The following COP1 variants were observed in gnomAD, a reference collection of about 807,000 sequenced individuals.
COP1 encodes E3 ubiquitin-protein ligase COP1.
COP1 carries 24 observed loss-of-function variants against 101.3 expected under a neutral mutation model. The ratio of observed to expected loss-of-function variants is 0.24; its 90% CI spans 0.17 to 0.33. The LOEUF (loss-of-function observed/expected upper bound fraction) is 0.33. COP1 is among the 10% of genes least tolerant of loss of function. The pLI, the probability that COP1 is intolerant of heterozygous loss-of-function variation, is 1.00. For synonymous variants in COP1, 347 were observed against 341.9 expected (o/e 1.01, Z -0.17); for missense variants, 663 against 906.2 (o/e 0.73, Z 3.45).
chr1:176,165,192 A>G (rs1020014429), intron 3 of COP1, among the ~76,000 whole-genome samples: 4 of 152,220 alleles, frequency 2.6e-5, no homozygotes, highest in Non-Finnish European at 4.4e-5. Flanking sequence ...CAGTACTATC[A>G]TTAAAATAGA....
intron 18 of COP1, among the ~76,000 whole-genome samples, chr1:175,978,250 A>C (rs989925330): frequency 1.2e-4 from 19 of 152,176 alleles, no homozygotes; most frequent in Non-Finnish European, 2.5e-4. Context: ...GAGGAAGAAA[A>C]GTTAAGAATC....
At chr1:175,963,443 G>A (rs767956468) in intron 18 of COP1, among the ~76,000 whole-genome samples, 2 of 152,094 alleles carry the variant, frequency 1.3e-5, no homozygotes, top group Non-Finnish European at 2.9e-5. Flanking sequence ...CAGAAAGGGT[G>A]TACGTTTTAC....
intron 18 of COP1, among the ~76,000 whole-genome samples, chr1:175,958,544 T>C (rs1338241651): frequency 6.6e-6 from 1 of 152,014 alleles, no homozygotes; most frequent in Non-Finnish European, 1.5e-5. Flanking sequence ...ATTTCCACCC[T>C]ACATTTCTCC....
chr1:176,003,766 G>C (rs1331692588), intron 15 of COP1, among the ~76,000 whole-genome samples: 10 of 151,106 alleles, frequency 6.6e-5, no homozygotes, highest in Non-Finnish European at 1.5e-4. Flanking sequence ...TTGTAGTATA[G>C]TTTGAAGTCA....
chr1:175,988,528 C>T (rs1173499263), intron 16 of COP1, 116 bp from the exon 17 acceptor site: 2 of 999,494 alleles, frequency 2.0e-6, no homozygotes, highest in Non-Finnish European at 2.9e-6. Context: ...TGGAGCCAGA[C>T]TGAGTTAGCA....
chr1:176,198,766 T>C (rs558183726), intron 1 of COP1, among the ~76,000 whole-genome samples: 1 of 152,162 alleles, frequency 6.6e-6, no homozygotes, highest in South Asian at 2.1e-4. Context: ...CAACGCAAGA[T>C]GACATGCAAT....
intron 1 of COP1, among the ~76,000 whole-genome samples, chr1:176,194,429 G>A (rs1031946684): frequency 2.0e-5 from 3 of 152,016 alleles, no homozygotes; most frequent in Non-Finnish European, 4.4e-5. Context: ...CACAAAGTCA[G>A]GAGATCAAGA....
intron 8 of COP1, among the ~76,000 whole-genome samples, chr1:176,121,308 T>C (rs1275288720): frequency 2.0e-5 from 3 of 152,140 alleles, no homozygotes; most frequent in Non-Finnish European, 2.9e-5. Flanking sequence ...GGCCCCAATT[T>C]TGCAGAGACC....
At chr1:176,135,373 A>T (rs1001097618) in intron 7 of COP1, among the ~76,000 whole-genome samples, 3 of 152,052 alleles carry the variant, frequency 2.0e-5, no homozygotes, top group African/African-American at 7.2e-5. Flanking sequence ...GATAAATGTA[A>T]ATGTAAATAT....
intron 3 of COP1, among the ~76,000 whole-genome samples, chr1:176,166,822 C>T (rs1032394274): frequency 5.9e-5 from 9 of 152,058 alleles, no homozygotes; most frequent in South Asian, 2.1e-4. Flanking sequence ...CTGAATTCCC[C>T]GCTACTCAGG....
intron 5 of COP1, among the ~76,000 whole-genome samples, chr1:176,161,870 A>G (rs933815438): frequency 2.0e-5 from 3 of 152,232 alleles, no homozygotes; most frequent in Non-Finnish European, 4.4e-5. Flanking sequence ...CTACTAGAAG[A>G]TCCCCACCAC....
intron 12 of COP1, among the ~76,000 whole-genome samples, chr1:176,044,501 T>C (rs1671173331): frequency 6.6e-6 from 1 of 152,230 alleles, no homozygotes; most frequent in Non-Finnish European, 1.5e-5. Context: ...TTCTAAGACA[T>C]GAACACAAGG....
At chr1:176,163,734 C>A in intron 4 of COP1, 81 bp downstream of exon 4, 2 of 871,154 alleles carry the variant, frequency 2.3e-6, no homozygotes, top group South Asian at 1.8e-5. Context: ...ATATACTAAA[C>A]TTTAACATCT....
At chr1:175,979,134 A>G (rs1235809060) in intron 18 of COP1, among the ~76,000 whole-genome samples, 1 of 152,102 alleles carries the variant, frequency 6.6e-6, no homozygotes, top group Non-Finnish European at 1.5e-5. Flanking sequence ...TTGTTCATAT[A>G]ATTTCCCAAG....
At chr1:176,056,704 A>G (rs1359765897) in intron 11 of COP1, among the ~76,000 whole-genome samples, 1 of 152,198 alleles carries the variant, frequency 6.6e-6, no homozygotes, top group Non-Finnish European at 1.5e-5. Context: ...AAATTTATCA[A>G]TCACGTTTAC....
At chr1:176,017,637 G>A (rs1376670513) in intron 15 of COP1, 3 of 152,290 alleles carry the variant, frequency 2.0e-5, no homozygotes, top group Non-Finnish European at 4.4e-5. Context: ...CTATTGTCAT[G>A]CCTCAGCCAC....
intron 6 of COP1, 70 bp from the exon 7 acceptor site, chr1:176,136,617 G>T: frequency 2.1e-6 from 2 of 966,330 alleles, no homozygotes; most frequent in Non-Finnish European, 3.1e-6. Flanking sequence ...GCATCACCAT[G>T]ATCATAAAAT....
rs1055879489 is a variant in COP1, at chr1:176,159,822, G to A, written c.762+3047C>T. Among the ~76,000 whole-genome samples the A allele has an allele frequency of 5.0e-4, 76 of 152,192 alleles. 1 individual carries two copies. Among genetic ancestry groups the A allele is most frequent in the African/African-American group, 1.8e-3 (74 of 41,516 alleles). On this transcript the variant is annotated intron_variant, in intron 5 of 19. Coordinates refer to ENST00000367669, the MANE Select transcript of COP1 (RefSeq NM_022457.7). ...AGAAGGATTCTTGCCAACTTCATAT[G>A]GTGGTCACACTGGGAGAAGGGAATG...
chr1:175,993,263 C>T (rs1438861743), intron 15 of COP1, among the ~76,000 whole-genome samples: 1 of 152,106 alleles, frequency 6.6e-6, no homozygotes, highest in African/African-American at 2.4e-5. Context: ...CCATCAAAGA[C>T]CAAAAGTAGA....
Sources: gnomAD v4.1 joint callset for allele counts (sites outside exome capture counted in the v4.1 genomes callset) on GRCh38, gnomAD v4.1.1 for gene constraint, MANE v1.5 for transcripts, NCBI Gene and HGNC (gene_info 2026-07-23, HGNC 2026-07-21) for gene names.